COL4A2: variants seen among roughly 807,000 people sequenced by gnomAD.
COL4A2 encodes the protein collagen type IV alpha 2 chain, also known as collagen alpha-2(IV) chain.
COL4A2 carries 99 observed loss-of-function variants against 200.2 expected under a neutral mutation model. The observed-to-expected ratio is 0.49, with a 90% confidence interval of 0.42 to 0.58. COL4A2 has a LOEUF of 0.58. Ranked by LOEUF, COL4A2 falls within the 20% of genes least tolerant of loss-of-function variation. The pLI, the probability that COL4A2 is intolerant of heterozygous loss-of-function variation, is 0.00. For synonymous variants in COL4A2, 897 were observed against 900.6 expected (o/e 1.00, Z 0.07); for missense variants, 1,950 against 2,314.1 (o/e 0.84, Z 3.23).
chr13:110,403,272 A>C (rs12853693), intron 4 of COL4A2, among the ~76,000 whole-genome samples: 30,216 of 152,148 alleles, frequency 0.2, 3,102 homozygotes, highest in Middle Eastern at 0.26. Flanking sequence ...CTGTTTCTTG[A>C]TAAATTCCAT....
chr13:110,319,084 A>T (rs1885216604), intron 3 of COL4A2, among the ~76,000 whole-genome samples: 1 of 151,738 alleles, frequency 6.6e-6, no homozygotes, highest in South Asian at 2.1e-4. Context: ...CTGGGACAGG[A>T]GGAAGTGGGT....
At chr13:110,461,666 G>C (rs566042062) in intron 22 of COL4A2, among the ~76,000 whole-genome samples, 3 of 152,000 alleles carry the variant, frequency 2.0e-5, no homozygotes, top group Admixed American at 2.0e-4. Flanking sequence ...GATTACAGGC[G>C]TGCACCACCA....
chr13:110,468,337 AT>A (rs34167123), intron 27 of COL4A2: 108,772 of 471,156 alleles, frequency 0.23, 13,264 homozygotes, highest in Non-Finnish European at 0.27. Flanking sequence ...CCATCCATGG[AT>A]TTCAACACCG....
chr13:110,461,874 A>T, intron 22 of COL4A2: 2 of 594,770 alleles, frequency 3.4e-6, no homozygotes, highest in Non-Finnish European at 5.9e-6. Flanking sequence ...GGTACCATCC[A>T]GTTCCTCAGT....
intron 34 of COL4A2, among the ~76,000 whole-genome samples, chr13:110,488,418 A>G (rs7988849): frequency 0.019 from 2,909 of 152,178 alleles, 88 homozygotes; most frequent in African/African-American, 0.065. Context: ...GTAGACCAGA[A>G]CTCTCATGCT....
At chr13:110,414,212 T>C (rs756648106) in intron 4 of COL4A2, among the ~76,000 whole-genome samples, 1 of 152,238 alleles carries the variant, frequency 6.6e-6, no homozygotes, top group Non-Finnish European at 1.5e-5. Context: ...CCTGTCCTTT[T>C]GTGGGTCATC....
At chr13:110,480,522 T>C (rs1037286732) in intron 31 of COL4A2, 132 bp downstream of exon 31, 2 of 950,364 alleles carry the variant, frequency 2.1e-6, no homozygotes, top group Non-Finnish European at 3.0e-6. Flanking sequence ...ATTGGAGGCC[T>C]TGGGACTCTC....
At chr13:110,468,424 C>T (rs978903110) in intron 27 of COL4A2, 20 of 432,334 alleles carry the variant, frequency 4.6e-5, no homozygotes, top group Admixed American at 2.7e-4. Flanking sequence ...GAGGCCAGCA[C>T]GCTCAGCACA....
At position 110,428,535 on chromosome 13, in the gene COL4A2, C is replaced by G; in HGVS notation, c.429C>G (p.Asp143Glu). The change falls in exon 7 of 48, where the codon GAC becomes GAG. Residue 143 changes from aspartate to glutamate, a missense_variant. Transcript: ENST00000360467. The stretch of plus-strand genomic sequence containing the variant: ...ATGGCTGCAACGGAACCCAGGGAGA[C>G]TCAGGTCCACAGGGGCCCCCCGGCT... ...GYDGCNGTQG[D>E]SGPQGPPGSE... The G allele has an allele frequency of 6.3e-7, 1 of 1,582,028 alleles. No individual in the cohort carries two copies. The highest frequency in any genetic ancestry group is 8.6e-7 in the Non-Finnish European group (1 of 1,168,476).
rs527823482 is a variant in COL4A2 at position 110,468,619 on chromosome 13, C to T, written c.2096-598C>T. ...GCTCCTCCCTCTCACTCCTGCTGTC[C>T]GCACTCCACTTTCTAAGAGTGAGGG... On this transcript the variant is annotated intron_variant, in intron 27 of 47. Coordinates refer to ENST00000360467, the MANE Select transcript of COL4A2 (RefSeq NM_001846.4). Among the ~76,000 whole-genome samples the T allele has an allele frequency of 9.1e-4, 139 of 152,300 alleles. 1 individual carries two copies. The highest frequency in any genetic ancestry group is 3.2e-3 in the African/African-American group (132 of 41,554).
At chr13:110,450,479 G>T in intron 20 of COL4A2, 25 bp downstream of exon 20, 2 of 1,612,404 alleles carry the variant, frequency 1.2e-6, no homozygotes, top group Non-Finnish European at 1.7e-6. Flanking sequence ...ACAAAAGGGA[G>T]GGTGTAGCCT....
chr13:110,318,730 G>T (rs1296739736), intron 3 of COL4A2, among the ~76,000 whole-genome samples: 1 of 152,206 alleles, frequency 6.6e-6, no homozygotes, highest in African/African-American at 2.4e-5. Context: ...ATTGGCTGTA[G>T]AGAGTTTAGC....
chr13:110,494,083 G>T (rs1883375125), intron 39 of COL4A2, among the ~76,000 whole-genome samples: 1 of 152,098 alleles, frequency 6.6e-6, no homozygotes, highest in Non-Finnish European at 1.5e-5. Context: ...ACAGGAAAAA[G>T]AAACTAACAA....
chr13:110,503,013 A>G, intron 41 of COL4A2, 108 bp from the exon 42 acceptor site: 1 of 1,006,328 alleles, frequency 9.9e-7, no homozygotes. Context: ...ATTCCATGCC[A>G]CAGACTTGCC....
intron 4 of COL4A2, among the ~76,000 whole-genome samples, chr13:110,402,088 C>T (rs143672844): frequency 3.9e-5 from 6 of 152,316 alleles, no homozygotes; most frequent in African/African-American, 1.4e-4. Context: ...ATATCCTTCT[C>T]ACATGCAAAA....
intron 25 of COL4A2, 91 bp from the exon 26 acceptor site, chr13:110,465,912 C>G: frequency 6.8e-7 from 1 of 1,466,122 alleles, no homozygotes. Context: ...ACATATACGA[C>G]ACACCTTCAC....
intron 4 of COL4A2, among the ~76,000 whole-genome samples, chr13:110,392,509 C>T (rs573909563): frequency 2.9e-4 from 44 of 152,262 alleles, no homozygotes; most frequent in Non-Finnish European, 5.7e-4. Flanking sequence ...GGGGCTCTTC[C>T]GGCCCCTCTG....
chr13:110,311,107 A>G (rs1302221719), intron 3 of COL4A2, among the ~76,000 whole-genome samples: 2 of 152,010 alleles, frequency 1.3e-5, no homozygotes, highest in African/African-American at 2.4e-5. Flanking sequence ...GCGGGCACTG[A>G]TTCCTAGGAA....
At chr13:110,351,052 T>G (rs1374206617) in intron 3 of COL4A2, among the ~76,000 whole-genome samples, 1 of 152,170 alleles carries the variant, frequency 6.6e-6, no homozygotes, top group Non-Finnish European at 1.5e-5. Context: ...TTCTTTATTT[T>G]TATTTTTTCT....
Sources: gnomAD v4.1 joint callset for allele counts (sites outside exome capture counted in the v4.1 genomes callset) on GRCh38, gnomAD v4.1.1 for gene constraint, MANE v1.5 for transcripts, NCBI Gene and HGNC (gene_info 2026-07-23, HGNC 2026-07-21) for gene names.